CNTN5: variants seen among roughly 807,000 people sequenced by gnomAD.
CNTN5 encodes contactin 5.
In CNTN5, 77 loss-of-function variants were observed where a neutral mutation model predicts 129.1. The ratio of observed to expected loss-of-function variants is 0.60; its 90% confidence interval spans 0.50 to 0.72. The LOEUF is 0.72. Among genes scored for constraint, CNTN5 ranks in the 30% least tolerant of loss-of-function variants. The probability of loss-of-function intolerance (pLI) is 0.00; values close to 1 mark genes in which losing one functional copy is unlikely to be tolerated. For synonymous variants in CNTN5, 509 were observed against 465.6 expected (o/e 1.09, Z -1.20); for missense variants, 1,478 against 1,328.8 (o/e 1.11, Z -1.75).
chr11:100,043,974 G>A (rs1220447358), intron 9 of CNTN5, among the ~76,000 whole-genome samples: 1 of 151,942 alleles, frequency 6.6e-6, no homozygotes, highest in Non-Finnish European at 1.5e-5. Context: ...TGTGTTTAGT[G>A]TAACCATCAC....
intron 8 of CNTN5, among the ~76,000 whole-genome samples, chr11:99,973,415 T>A (rs1937706746): frequency 6.6e-6 from 1 of 152,172 alleles, no homozygotes; most frequent in Admixed American, 6.5e-5. Context: ...TAGGTGATAG[T>A]TGTTCTTTCC....
chr11:99,073,603 T>A (rs562502227), intron 1 of CNTN5, among the ~76,000 whole-genome samples: 1 of 152,066 alleles, frequency 6.6e-6, no homozygotes, highest in South Asian at 2.1e-4. Context: ...CCTGTGTCCA[T>A]GTGTTCTCAC....
chr11:100,268,605 T>C (rs533227272), intron 17 of CNTN5, among the ~76,000 whole-genome samples: 15 of 152,306 alleles, frequency 9.8e-5, no homozygotes, highest in Admixed American at 6.5e-4. Flanking sequence ...ATGGAGGTCA[T>C]TGGTAACCTT....
At chr11:99,322,184 A>G (rs1042094516) in intron 1 of CNTN5, among the ~76,000 whole-genome samples, 1 of 152,270 alleles carries the variant, frequency 6.6e-6, no homozygotes, top group African/African-American at 2.4e-5. Context: ...AGGTTGCGCC[A>G]GACTTGGTCT....
intron 3 of CNTN5, among the ~76,000 whole-genome samples, chr11:99,813,834 GGTCCTTAAACT>G (rs1220981095): frequency 1.1e-4 from 17 of 152,058 alleles, no homozygotes; most frequent in African/African-American, 4.1e-4. Flanking sequence ...AGCAAAAAAT[GGTCCTTAAACT>G]TAGCAATATC....
intron 4 of CNTN5, among the ~76,000 whole-genome samples, chr11:99,836,179 A>G (rs1413930574): frequency 1.3e-5 from 2 of 148,338 alleles, no homozygotes; most frequent in East Asian, 4.0e-4. Flanking sequence ...GTTCTAGGGT[A>G]CATGTGCGCA....
chr11:99,382,845 C>CTTTTTTTTTT (rs1163660333), intron 2 of CNTN5, among the ~76,000 whole-genome samples: 856 of 76,970 alleles, frequency 0.011, 252 homozygotes, highest in African/African-American at 0.037. Context: ...CTCTAAATAA[C>CTTTTTTTTTT]TTTTTTTTTT....
At chr11:99,826,701 A>AC (rs1946970485) in intron 4 of CNTN5, among the ~76,000 whole-genome samples, 1 of 152,208 alleles carries the variant, frequency 6.6e-6, no homozygotes, top group Admixed American at 6.5e-5. Context: ...TATATATTAT[A>AC]GTTGTAGCAA....
chr11:100,297,782 A>T (rs1951127672), intron 19 of CNTN5, 87 bp downstream of exon 19: 8 of 1,022,374 alleles, frequency 7.8e-6, no homozygotes, highest in Non-Finnish European at 1.2e-5. Flanking sequence ...TAAGCAGTCC[A>T]CTTGATTCAT....
At chr11:100,328,180 G>T (rs1951828045) in intron 21 of CNTN5, among the ~76,000 whole-genome samples, 1 of 122,634 alleles carries the variant, frequency 8.2e-6, no homozygotes, top group Non-Finnish European at 1.7e-5. Flanking sequence ...GCGAGACCAT[G>T]TCGCTACCAA....
Position 100,299,163 on chromosome 11 carries a change from C to T in CNTN5, c.2387C>T (p.Pro796Leu). Residue 796 changes from proline (P) to leucine (L), a missense_variant and splice_region_variant, in exon 20 of 25, where the codon CCA becomes CTA. Coordinates refer to ENST00000524871, the MANE Select transcript of CNTN5 (RefSeq NM_014361.4). ...ATTAATTATATTTTTCTTCTTTAGC[C>T]AGTATCTGAAGAGTTTCAGAATGGG... ...RRHELVIAWE[P>L]VSEEFQNGEG... is the part of the protein sequence containing the mutation. The T allele has an allele frequency of 1.9e-6, 3 of 1,572,368 alleles. No homozygotes were observed. Among genetic ancestry groups the T allele is most frequent in the Non-Finnish European group, 2.6e-6 (3 of 1,151,770 alleles).
At chr11:99,516,343 C>T (rs1019852489) in intron 2 of CNTN5, among the ~76,000 whole-genome samples, 7 of 151,910 alleles carry the variant, frequency 4.6e-5, no homozygotes, top group South Asian at 4.1e-4. Flanking sequence ...TTCCTAATAA[C>T]CTTGGGTAAT....
chr11:99,195,606 A>G (rs904452050), intron 1 of CNTN5, among the ~76,000 whole-genome samples: 4 of 152,024 alleles, frequency 2.6e-5, no homozygotes, highest in South Asian at 4.2e-4. Context: ...ATGCCACTGG[A>G]ATTTCCTTTT....
chr11:99,591,098 G>A (rs917357350), intron 3 of CNTN5, among the ~76,000 whole-genome samples: 8 of 152,048 alleles, frequency 5.3e-5, no homozygotes, highest in Admixed American at 1.3e-4. Context: ...ACATCTCCAC[G>A]TTGGCCCAGG....
At chr11:99,178,771 T>C (rs1423929066) in intron 1 of CNTN5, among the ~76,000 whole-genome samples, 1 of 152,140 alleles carries the variant, frequency 6.6e-6, no homozygotes, top group Non-Finnish European at 1.5e-5. Context: ...TTATGAGCTT[T>C]AATAATCTTT....
At chr11:99,703,632 G>T (rs1445905710) in intron 3 of CNTN5, among the ~76,000 whole-genome samples, 2 of 150,748 alleles carry the variant, frequency 1.3e-5, no homozygotes, top group Non-Finnish European at 3.0e-5. Flanking sequence ...GCTACCAAGT[G>T]GTCAAATCAC....
chr11:99,644,681 AATTAT>A (rs1364249491), intron 3 of CNTN5, among the ~76,000 whole-genome samples: 19 of 152,300 alleles, frequency 1.2e-4, no homozygotes, highest in Middle Eastern at 3.4e-3. Flanking sequence ...TATTTTGGCA[AATTAT>A]ATTAAATATT....
At chr11:99,977,023 C>T (rs1400308488) in intron 8 of CNTN5, among the ~76,000 whole-genome samples, 2 of 152,190 alleles carry the variant, frequency 1.3e-5, no homozygotes, top group African/African-American at 4.8e-5. Context: ...TTAAAAACAG[C>T]CAGGTCACAT....
intron 2 of CNTN5, among the ~76,000 whole-genome samples, chr11:99,546,085 G>T (rs1451766705): frequency 6.6e-6 from 1 of 152,168 alleles, no homozygotes; most frequent in African/African-American, 2.4e-5. Flanking sequence ...TTCTGATGCC[G>T]AGTTTGAATT....
Sources: gnomAD v4.1 joint callset for allele counts (sites outside exome capture counted in the v4.1 genomes callset) on GRCh38, gnomAD v4.1.1 for gene constraint, MANE v1.5 for transcripts, NCBI Gene and HGNC (gene_info 2026-07-23, HGNC 2026-07-21) for gene names.